The following GALC variants were observed in gnomAD, a reference collection of about 807,000 sequenced individuals.
The protein encoded by GALC is galactosylceramidase, also known as galactocerebrosidase.
In GALC, 77 loss-of-function variants were observed where a neutral mutation model predicts 91.8. That is an observed-to-expected ratio of 0.84 (90% confidence interval 0.70 to 1.01). GALC has a LOEUF of 1.01. Ranked by LOEUF, GALC falls within the 50% of genes least tolerant of loss-of-function variation. GALC has a pLI of 0.00. For synonymous variants in GALC, 357 were observed against 306.7 expected (o/e 1.16, Z -1.71); for missense variants, 882 against 855.9 (o/e 1.03, Z -0.38).
chr14:87,979,039 T>A (rs571438093), intron 6 of GALC, among the ~76,000 whole-genome samples: 301 of 152,192 alleles, frequency 2.0e-3, no homozygotes, highest in South Asian at 3.7e-3. Flanking sequence ...CATTTCTTTT[T>A]TTTTCTTTTC....
chr14:87,937,150 T>C (rs1339543569), intron 16 of GALC, among the ~76,000 whole-genome samples: 1 of 151,708 alleles, frequency 6.6e-6, no homozygotes, highest in Non-Finnish European at 1.5e-5. Context: ...TAATTTGGAA[T>C]ATGGGCAACA....
intron 1 of GALC, 60 bp downstream of exon 1, chr14:87,992,910 G>A: frequency 6.8e-7 from 1 of 1,468,590 alleles, no homozygotes; most frequent in Non-Finnish European, 9.0e-7. Flanking sequence ...GGCTTGTGGG[G>A]CTGGCCCCAC....
chr14:87,956,392 A>T (rs2139976499), intron 10 of GALC, among the ~76,000 whole-genome samples: 1 of 152,088 alleles, frequency 6.6e-6, no homozygotes, highest in East Asian at 1.9e-4. Flanking sequence ...CATATATTAT[A>T]TACGAGTTGC....
At chr14:87,989,835 C>G (rs1887125386) in intron 1 of GALC, among the ~76,000 whole-genome samples, 1 of 152,218 alleles carries the variant, frequency 6.6e-6, no homozygotes, top group Non-Finnish European at 1.5e-5. Context: ...TTCCCAAAAG[C>G]TTTCAGGATA....
At chr14:87,943,040 G>A (rs1027720711) in intron 14 of GALC, among the ~76,000 whole-genome samples, 2 of 152,056 alleles carry the variant, frequency 1.3e-5, no homozygotes, top group Non-Finnish European at 2.9e-5. Context: ...AATGAGAGAA[G>A]ATCAAACTTT....
chr14:87,993,180 A>C lies in GALC; in HGVS notation c.-16T>G. The stretch of plus-strand genomic sequence containing the variant: ...ACTCAGCCATTGTGTGGGTCACATG[A>C]CTCCGGCGCCCAGGGAGGCGGGTCC... On this transcript the variant is annotated 5_prime_UTR_variant, in exon 1 of 17. Transcript: ENST00000261304. 6.3e-7 allele frequency: 1 copy of C among 1,578,266 alleles called. No individual in the cohort carries two copies. The highest frequency in any genetic ancestry group is 1.2e-5 in the South Asian group (1 of 86,732).
At chr14:87,982,314 A>C in intron 5 of GALC, 71 bp from the exon 6 acceptor site, 1 of 992,148 alleles carries the variant, frequency 1.0e-6, no homozygotes, top group Non-Finnish European at 1.6e-6. Flanking sequence ...TATCGTTACG[A>C]TACCATTTCT....
chr14:87,942,497 C>T lies in GALC; in HGVS notation c.1671-939G>A, dbSNP rs1396091860. Among the ~76,000 whole-genome samples, 4 of 151,986 alleles carry T rather than the reference C, an allele frequency of 2.6e-5. No homozygotes were observed. The South Asian group carries it at 6.2e-4, about 24-fold the overall frequency. On this transcript the variant is annotated intron_variant, in intron 14 of 16. Coordinates refer to ENST00000261304, the MANE Select transcript of GALC (RefSeq NM_000153.4). ...TCTGGAATGCTACAACCACCCCAAA[C>T]CAACATGATCTCTGAAAATATTTCA... is the stretch of plus-strand genomic sequence containing the variant.
chr14:87,988,096 T>A, intron 3 of GALC, 48 bp downstream of exon 3: 3 of 1,376,176 alleles, frequency 2.2e-6, no homozygotes, highest in Non-Finnish European at 3.1e-6. Flanking sequence ...TGCTGAGGTA[T>A]AGATTAAAAT....
At chr14:87,993,475 C>T, upstream of GALC, 1 of 1,535,754 alleles carries the variant, frequency 6.5e-7, no homozygotes. Context: ...CCATGAGTGG[C>T]CCTACCATGG....
At chr14:87,949,586 T>C (rs1489401829) in intron 12 of GALC, among the ~76,000 whole-genome samples, 5 of 151,950 alleles carry the variant, frequency 3.3e-5, no homozygotes, top group Non-Finnish European at 5.9e-5. Flanking sequence ...TGGATACAAC[T>C]GTCTATACTT....
chr14:87,947,291 C>T (rs942754840), intron 13 of GALC, among the ~76,000 whole-genome samples: 7 of 150,902 alleles, frequency 4.6e-5, no homozygotes, highest in Non-Finnish European at 1.0e-4. Flanking sequence ...AAAAAAAGCA[C>T]GGGATGGTAT....
At chr14:87,984,183 AAC>A (rs1046483434) in intron 5 of GALC, among the ~76,000 whole-genome samples, 17 of 151,682 alleles carry the variant, frequency 1.1e-4, no homozygotes, top group Non-Finnish European at 1.9e-4. Context: ...GTATACACTC[AAC>A]ACAGTTTTCA....
chr14:87,973,456 G>A (rs564166076), intron 7 of GALC, among the ~76,000 whole-genome samples: 52 of 152,258 alleles, frequency 3.4e-4, no homozygotes, highest in African/African-American at 1.2e-3. Context: ...AGGAAAGAAG[G>A]TGAAATGTAA....
Position 87,950,728 on chromosome 14 carries a change from G to T in GALC, c.1182C>A (p.Cys394Ter). The T allele has an allele frequency of 6.3e-7, 1 of 1,591,996 alleles. No individual in the cohort carries two copies. Among genetic ancestry groups the T allele is most frequent in the Non-Finnish European group, 8.5e-7 (1 of 1,169,862 alleles). ...IETMSHKHSK[C>*]IRPFLPYFNV... ...TGAAATAAGGAAGAAATGGCCGTAT[G>T]CACTTAGAATGTTTATGACTCTGAA... Residue 394 changes from cysteine to a stop codon, truncating the protein, a stop_gained, in exon 11 of 17, where the codon TGC (cysteine) becomes TGA (stop). Transcript: ENST00000261304. LOFTEE classifies it high-confidence loss of function.
At chr14:87,983,746 A>G (rs775456723) in intron 5 of GALC, among the ~76,000 whole-genome samples, 6 of 152,206 alleles carry the variant, frequency 3.9e-5, no homozygotes, top group Non-Finnish European at 7.3e-5. Context: ...CAAGCTGGAC[A>G]TGATATCATT....
chr14:87,987,642 C>T (rs547483388), intron 3 of GALC: 187 of 156,316 alleles, frequency 1.2e-3, no homozygotes, highest in Non-Finnish European at 2.0e-3. Context: ...AAACAAAAGG[C>T]CTATAAACTG....
chr14:87,938,993 GAA>G (rs1884710205), intron 16 of GALC, among the ~76,000 whole-genome samples: 1 of 151,834 alleles, frequency 6.6e-6, no homozygotes, highest in South Asian at 2.1e-4. Context: ...CAACTTCAGA[GAA>G]GAGAAAATAC....
chr14:87,987,458 T>C (rs992894308), intron 3 of GALC, among the ~76,000 whole-genome samples: 2 of 152,222 alleles, frequency 1.3e-5, no homozygotes, highest in Non-Finnish European at 2.9e-5. Flanking sequence ...CTTTGCACTT[T>C]TTCTTCAACA....
Sources: allele counts gnomAD v4.1 joint callset (sites outside exome capture counted in the v4.1 genomes callset), GRCh38; gene constraint gnomAD v4.1.1; transcripts MANE v1.5; gene names NCBI Gene and HGNC (gene_info 2026-07-23, HGNC 2026-07-21).